Variants in RSPO2 observed in about 807,000 individuals in gnomAD.
RSPO2 encodes R-spondin-2.
A neutral mutation model predicts 30.9 loss-of-function variants in RSPO2; 14 were observed. The ratio of observed to expected loss-of-function variants is 0.45; its 90% CI spans 0.30 to 0.71. The LOEUF is 0.71. Among genes scored for constraint, RSPO2 ranks in the 30% least tolerant of loss-of-function variants. RSPO2 has a pLI of 0.08. For missense variants in RSPO2, 264 were observed against 301.9 expected (o/e 0.87, Z 0.93); for synonymous variants, 107 against 96.4 (o/e 1.11, Z -0.64).
chr8:108,064,344 C>T (rs1199826395), intron 2 of RSPO2, among the ~76,000 whole-genome samples: 1 of 152,124 alleles, frequency 6.6e-6, no homozygotes, highest in Non-Finnish European at 1.5e-5. Flanking sequence ...AAAACAACCC[C>T]ATCCAAAAGT....
intron 2 of RSPO2, among the ~76,000 whole-genome samples, chr8:107,999,888 T>C (rs117524215): frequency 7.8e-4 from 118 of 152,244 alleles, no homozygotes; most frequent in East Asian, 4.3e-3. Flanking sequence ...ACCATTCCAG[T>C]TGTAATCCTC....
chr8:107,923,728 C>T (rs1586546637), intron 5 of RSPO2, among the ~76,000 whole-genome samples: 5 of 152,150 alleles, frequency 3.3e-5, no homozygotes, highest in South Asian at 4.1e-4. Context: ...CCATGGAATA[C>T]TATGCAGCCA....
At chr8:108,073,378 A>T (rs1419712603) in intron 2 of RSPO2, among the ~76,000 whole-genome samples, 1 of 152,224 alleles carries the variant, frequency 6.6e-6, no homozygotes, top group Non-Finnish European at 1.5e-5. Context: ...TGAGGTGATT[A>T]GTTGGCAATT....
chr8:107,960,758 C>T lies in RSPO2; in HGVS notation c.343G>A (p.Val115Ile). 1.9e-6 allele frequency: 3 copies of T among 1,612,470 alleles called. No homozygotes were observed. Among genetic ancestry groups the T allele is most frequent in the Non-Finnish European group, 2.5e-6 (3 of 1,178,820 alleles). The change falls in exon 4 of 6, where the codon GTA becomes ATA. Residue 115 changes from valine (V) to isoleucine (I), a missense_variant. Physicochemically the swap from Val to Ile is conservative, Grantham distance 29 (BLOSUM62 3). Transcript: ENST00000276659. Reference sequence around the variant, plus strand: ...CGGCCTCTATGCAAATAAAAGCCTACTTTGCACTTGGTACAAAAGTCTTTG... The same window carrying T: ...CGGCCTCTATGCAAATAAAAGCCTATTTTGCACTTGGTACAAAAGTCTTTG... ...FSKDFCTKCKVGFYLHRGRCF... is the reference protein window; with the variant it reads ...FSKDFCTKCKIGFYLHRGRCF...
chr8:107,966,391 G>C (rs1186373566), intron 3 of RSPO2, among the ~76,000 whole-genome samples: 1 of 152,136 alleles, frequency 6.6e-6, no homozygotes, highest in African/African-American at 2.4e-5. Context: ...TGAGGGGAAA[G>C]CTCTACAGAG....
At chr8:107,935,193 T>A (rs1290995116) in intron 5 of RSPO2, among the ~76,000 whole-genome samples, 2 of 152,180 alleles carry the variant, frequency 1.3e-5, no homozygotes, top group Non-Finnish European at 2.9e-5. Flanking sequence ...GAGAATGCAT[T>A]CCCATGGGGA....
rs188382288 is a variant in RSPO2, at chr8:108,077,457, C to T, written c.94+5088G>A. 2.2e-3 allele frequency among the ~76,000 whole-genome samples: 338 copies of T among 152,076 alleles called. 2 individuals are homozygous for T. Among genetic ancestry groups the T allele is most frequent in the African/African-American group, 7.9e-3 (327 of 41,464 alleles). On this transcript the variant is annotated intron_variant, in intron 2 of 5. Coordinates refer to ENST00000276659, the MANE Select transcript of RSPO2 (RefSeq NM_178565.5). ...CTTTGGAAAGAGTAAAAACACTATCCCTACCCAATCTTATTCTCATTCTCT... is the reference window on the plus strand; with the variant it reads ...CTTTGGAAAGAGTAAAAACACTATCTCTACCCAATCTTATTCTCATTCTCT...
chr8:108,009,891 A>G (rs1341261369), intron 2 of RSPO2, among the ~76,000 whole-genome samples: 1 of 151,930 alleles, frequency 6.6e-6, no homozygotes, highest in Non-Finnish European at 1.5e-5. Flanking sequence ...CTCTACAAAA[A>G]TACCAAAATT....
At chr8:108,044,999 T>C (rs1811870862) in intron 2 of RSPO2, among the ~76,000 whole-genome samples, 1 of 152,164 alleles carries the variant, frequency 6.6e-6, no homozygotes, top group Non-Finnish European at 1.5e-5. Context: ...GGAAATACTG[T>C]TCTGGACATC....
chr8:107,909,624 A>G (rs1811758512), intron 5 of RSPO2, among the ~76,000 whole-genome samples: 1 of 152,306 alleles, frequency 6.6e-6, no homozygotes, highest in South Asian at 2.1e-4. Context: ...AGGAAGGCAA[A>G]GAAGCACTGA....
chr8:108,078,017 G>C (rs908642773), intron 2 of RSPO2, among the ~76,000 whole-genome samples: 7 of 152,142 alleles, frequency 4.6e-5, no homozygotes, highest in African/African-American at 1.4e-4. Flanking sequence ...AAGGAAAGAA[G>C]TACCCTGGAT....
intron 2 of RSPO2, among the ~76,000 whole-genome samples, chr8:108,035,624 C>A (rs569967946): frequency 8.5e-5 from 13 of 152,264 alleles, no homozygotes; most frequent in African/African-American, 3.1e-4. Context: ...GCACCCGCCA[C>A]CATGCCCGGC....
intron 5 of RSPO2, among the ~76,000 whole-genome samples, chr8:107,913,534 G>A (rs1406359539): frequency 6.6e-6 from 1 of 152,130 alleles, no homozygotes; most frequent in African/African-American, 2.4e-5. Flanking sequence ...CCAAGTAGAG[G>A]CAATGGATTT....
At chr8:108,057,528 G>C (rs1277602225) in intron 2 of RSPO2, among the ~76,000 whole-genome samples, 2 of 152,086 alleles carry the variant, frequency 1.3e-5, no homozygotes, top group Non-Finnish European at 2.9e-5. Context: ...CTGCTTCCAA[G>C]ACAAACACCT....
At chr8:108,061,721 A>G (rs909583300) in intron 2 of RSPO2, among the ~76,000 whole-genome samples, 1 of 151,938 alleles carries the variant, frequency 6.6e-6, no homozygotes, top group African/African-American at 2.4e-5. Flanking sequence ...CCCCAAATCA[A>G]CAGAATATAC....
At chr8:107,947,190 T>C (rs1291252040) in intron 5 of RSPO2, among the ~76,000 whole-genome samples, 3 of 152,230 alleles carry the variant, frequency 2.0e-5, no homozygotes, top group South Asian at 2.1e-4. Context: ...GATTATACAA[T>C]TGAAATTGAA....
At chr8:107,979,363 G>A (rs1232145419) in intron 3 of RSPO2, among the ~76,000 whole-genome samples, 1 of 152,186 alleles carries the variant, frequency 6.6e-6, no homozygotes, top group African/African-American at 2.4e-5. Flanking sequence ...AAAAAAGGAT[G>A]AGTTCATGTC....
chr8:108,000,026 T>C (rs1455277398), intron 2 of RSPO2, among the ~76,000 whole-genome samples: 2 of 152,294 alleles, frequency 1.3e-5, no homozygotes, highest in African/African-American at 2.4e-5. Flanking sequence ...GTATGTGTCA[T>C]GAATGCTTCA....
intron 2 of RSPO2, among the ~76,000 whole-genome samples, chr8:108,025,799 G>A (rs910567143): frequency 1.3e-5 from 2 of 152,104 alleles, no homozygotes; most frequent in Non-Finnish European, 2.9e-5. Context: ...TGGAGTTACA[G>A]ATGTGAGCCA....
Sources: gnomAD v4.1 joint callset for allele counts (sites outside exome capture counted in the v4.1 genomes callset) on GRCh38, gnomAD v4.1.1 for gene constraint, MANE v1.5 for transcripts, NCBI Gene and HGNC (gene_info 2026-07-23, HGNC 2026-07-21) for gene names.